ALK: variants seen among roughly 807,000 people sequenced by gnomAD.
ALK encodes ALK tyrosine kinase receptor.
A neutral mutation model predicts 163.1 loss-of-function variants in ALK; 74 were observed. The observed-to-expected ratio is 0.45, with a 90% CI of 0.38 to 0.55. The LOEUF is 0.55. Among genes scored for constraint, ALK ranks in the 20% least tolerant of loss-of-function variants. ALK has a pLI of 0.00. For synonymous variants in ALK, 960 were observed against 843.2 expected, an observed-to-expected ratio of 1.14 and a Z score of -2.40; for missense variants, 2,063 against 2,105.3, an observed-to-expected ratio of 0.98 and a Z score of 0.39.
chr2:29,495,597 A>T (rs1231871942), intron 4 of ALK, among the ~76,000 whole-genome samples: 7 of 152,098 alleles, frequency 4.6e-5, no homozygotes, highest in Non-Finnish European at 1.0e-4. Flanking sequence ...CAAATTATCC[A>T]ATTTGAATGT....
chr2:29,341,877 T>A (rs773545448), intron 5 of ALK, among the ~76,000 whole-genome samples: 3 of 152,248 alleles, frequency 2.0e-5, no homozygotes, highest in Non-Finnish European at 2.9e-5. Context: ...AACCTCTTTG[T>A]ATTTTTTAGT....
chr2:29,617,878 C>G (rs912142436), intron 3 of ALK, among the ~76,000 whole-genome samples: 1 of 152,190 alleles, frequency 6.6e-6, no homozygotes, highest in African/African-American at 2.4e-5. Context: ...GATCAACAGA[C>G]AGTGAAATTT....
Position 29,920,687 on chromosome 2 carries a change from T to C in ALK, c.-28A>G, listed in dbSNP as rs1029826006. The C allele has an allele frequency of 1.8e-5, 27 of 1,523,126 alleles. No homozygotes were observed. Among genetic ancestry groups the C allele is most frequent in the African/African-American group, 2.7e-5 (2 of 72,738 alleles). 94.4% of individuals were successfully genotyped at this position (1,523,126 alleles called of 1,614,324 possible). A position where few individuals can be genotyped will look rare whatever the true frequency, so the allele number is the denominator to read the frequency against. On this transcript the variant is annotated 5_prime_UTR_variant, in exon 1 of 29. Transcript: ENST00000389048. ...CGCCGGAGGAGGCCGTTTACACTGC[T>C]CTCCGGGCCCAGCCTCACCCTTCGC...
At chr2:29,666,217 C>T (rs939412671) in intron 3 of ALK, among the ~76,000 whole-genome samples, 9 of 152,110 alleles carry the variant, frequency 5.9e-5, no homozygotes, top group Non-Finnish European at 8.8e-5. Flanking sequence ...ATGCTTATTG[C>T]TCATAATTCC....
At chr2:29,387,643 A>G (rs756076781) in intron 4 of ALK, among the ~76,000 whole-genome samples, 6 of 152,226 alleles carry the variant, frequency 3.9e-5, no homozygotes, top group Non-Finnish European at 8.8e-5. Flanking sequence ...TGATATCTAT[A>G]CTTCCCTAGC....
chr2:29,359,009 A>G (rs944949815), intron 5 of ALK, among the ~76,000 whole-genome samples: 12 of 152,224 alleles, frequency 7.9e-5, no homozygotes, highest in African/African-American at 2.9e-4. Flanking sequence ...GATCAGCTGT[A>G]CAACATTATG....
At chr2:29,490,074 TATC>T (rs1671866034) in intron 4 of ALK, among the ~76,000 whole-genome samples, 1 of 152,216 alleles carries the variant, frequency 6.6e-6, no homozygotes, top group South Asian at 2.1e-4. Flanking sequence ...AGAAGCTAGG[TATC>T]ATCCCTGGGG....
chr2:29,433,203 T>C (rs1670321855), intron 4 of ALK, among the ~76,000 whole-genome samples: 1 of 152,200 alleles, frequency 6.6e-6, no homozygotes, highest in African/African-American at 2.4e-5. Context: ...TGATTGTTTC[T>C]CAGGCCCTTT....
At chr2:29,712,732 G>A (rs1293796240) in intron 2 of ALK, among the ~76,000 whole-genome samples, 2 of 152,054 alleles carry the variant, frequency 1.3e-5, no homozygotes, top group Non-Finnish European at 2.9e-5. Context: ...TAATTAAAAA[G>A]TCTAATTTTT....
chr2:29,765,086 C>T (rs1333161807), intron 1 of ALK, among the ~76,000 whole-genome samples: 1 of 152,140 alleles, frequency 6.6e-6, no homozygotes, highest in Non-Finnish European at 1.5e-5. Context: ...TTATAAGTTT[C>T]CTGAGGCCTC....
At chr2:29,223,063 G>T (rs1669850940) in intron 20 of ALK, among the ~76,000 whole-genome samples, 1 of 152,142 alleles carries the variant, frequency 6.6e-6, no homozygotes, top group Admixed American at 6.5e-5. Flanking sequence ...TCCCCTGGAG[G>T]GAAGGGGAGC....
chr2:29,620,959 A>G (rs1676018333), intron 3 of ALK, among the ~76,000 whole-genome samples: 1 of 152,230 alleles, frequency 6.6e-6, no homozygotes, highest in African/African-American at 2.4e-5. Flanking sequence ...ACAAGATAAT[A>G]GCAGACTTAT....
chr2:29,482,877 T>C (rs1349799495), intron 4 of ALK, among the ~76,000 whole-genome samples: 4 of 152,112 alleles, frequency 2.6e-5, no homozygotes, highest in African/African-American at 9.7e-5. Flanking sequence ...CAAGAGAGTG[T>C]GTGCATGAAG....
At chr2:29,316,366 G>A (rs887994742) in intron 8 of ALK, among the ~76,000 whole-genome samples, 6 of 152,104 alleles carry the variant, frequency 3.9e-5, no homozygotes, top group African/African-American at 1.4e-4. Context: ...TGCCTGCTGA[G>A]CCAAGTTCTG....
chr2:29,685,555 T>C (rs1678212077), intron 3 of ALK, among the ~76,000 whole-genome samples: 1 of 152,176 alleles, frequency 6.6e-6, no homozygotes, highest in South Asian at 2.1e-4. Flanking sequence ...ACCTTCAATA[T>C]ATGTAAGTCA....
intron 2 of ALK, among the ~76,000 whole-genome samples, chr2:29,700,324 C>A (rs1207338307): frequency 6.6e-6 from 1 of 152,148 alleles, no homozygotes; most frequent in African/African-American, 2.4e-5. Context: ...GTGGGTGGAT[C>A]ACCTGAGGTC....
intron 4 of ALK, among the ~76,000 whole-genome samples, chr2:29,425,648 A>ATGGGTGTGGCCCAT (rs1338660908): frequency 3.3e-5 from 5 of 152,182 alleles, no homozygotes; most frequent in African/African-American, 1.2e-4. Flanking sequence ...TCACTCTAAG[A>ATGGGTGTGGCCCAT]AAAGTGGGCC....
At chr2:29,821,899 G>C (rs895425059) in intron 1 of ALK, among the ~76,000 whole-genome samples, 1 of 152,126 alleles carries the variant, frequency 6.6e-6, no homozygotes, top group Non-Finnish European at 1.5e-5. Context: ...TTCAGGGGTT[G>C]AAGGGCCACT....
At chr2:29,862,829 A>G (rs1666328840) in intron 1 of ALK, among the ~76,000 whole-genome samples, 1 of 151,918 alleles carries the variant, frequency 6.6e-6, no homozygotes, top group Non-Finnish European at 1.5e-5. Context: ...CTTGAGAAAA[A>G]AAAAAACTGG....
Sources: allele counts gnomAD v4.1 joint callset (sites outside exome capture counted in the v4.1 genomes callset), GRCh38; gene constraint gnomAD v4.1.1; transcripts MANE v1.5; gene names NCBI Gene and HGNC (gene_info 2026-07-23, HGNC 2026-07-21).